The following LINGO2 variants were observed in gnomAD, a reference collection of about 807,000 sequenced individuals.
The protein encoded by LINGO2 is leucine-rich repeat and immunoglobulin-like domain-containing nogo receptor-interacting protein 2.
In LINGO2, 14 loss-of-function variants were observed where a neutral mutation model predicts 30.6. That is an observed-to-expected ratio of 0.46 (90% CI 0.30 to 0.72). The LOEUF is 0.72. LINGO2 is among the 30% of genes least tolerant of loss of function. LINGO2 has a pLI of 0.07. For missense variants in LINGO2, 729 were observed against 751.7 expected, an observed-to-expected ratio of 0.97 and a Z score of 0.35; for synonymous variants, 317 against 288.5, an observed-to-expected ratio of 1.10 and a Z score of -1.00.
chr9:29,080,728 T>C, the LINGO2 span, among the ~76,000 whole-genome samples: 1 of 152,124 alleles, frequency 6.6e-6, no homozygotes, highest in Non-Finnish European at 1.5e-5. Flanking sequence ...GAGCAGGTTG[T>C]TCAGTTTCCA....
the LINGO2 span, among the ~76,000 whole-genome samples, chr9:29,078,791 C>A: frequency 6.6e-6 from 1 of 151,882 alleles, no homozygotes; most frequent in African/African-American, 2.4e-5. Context: ...TGGCAAAGAG[C>A]AATTTGTCCC....
chr9:28,560,219 C>T (rs973243083), intron 1 of LINGO2, among the ~76,000 whole-genome samples: 59 of 152,138 alleles, frequency 3.9e-4, no homozygotes, highest in African/African-American at 1.4e-3. Flanking sequence ...GATAATCTGG[C>T]TAAGCATTAT....
chr9:28,660,149 C>A lies in LINGO2; in HGVS notation c.-365+10051G>T, dbSNP rs150866230. On this transcript the variant is annotated intron_variant, in intron 1 of 5. Coordinates refer to ENST00000379992, the Ensembl canonical transcript of LINGO2. ...ATAATTGTAGTTAAGTTATTTTGAG[C>A]ACCTATATTATTGTGAAAGTGAATA... is the stretch of plus-strand genomic sequence containing the variant. Among the ~76,000 whole-genome samples, 51 of 152,134 alleles carry A rather than the reference C, an allele frequency of 3.4e-4. No homozygotes were observed. The East Asian group carries it at 9.6e-3, about 29-fold the overall frequency.
chr9:28,865,714 G>A, the LINGO2 span, among the ~76,000 whole-genome samples: 3 of 152,160 alleles, frequency 2.0e-5, no homozygotes, highest in African/African-American at 7.2e-5. Context: ...AACCCGGGAG[G>A]CAGAGGTTGC....
chr9:29,127,766 T>G, the LINGO2 span, among the ~76,000 whole-genome samples: 1 of 152,080 alleles, frequency 6.6e-6, no homozygotes, highest in African/African-American at 2.4e-5. Flanking sequence ...GAAGGACTCT[T>G]TTCTGTCTTT....
At chr9:28,698,162 G>A in the LINGO2 span, among the ~76,000 whole-genome samples, 5 of 152,016 alleles carry the variant, frequency 3.3e-5, 1 homozygote, top group African/African-American at 1.2e-4. Context: ...AGGGTGATCT[G>A]AGATGATGGA....
chr9:28,406,875 A>G (rs903357424), intron 2 of LINGO2, among the ~76,000 whole-genome samples: 1 of 152,160 alleles, frequency 6.6e-6, no homozygotes, highest in Non-Finnish European at 1.5e-5. Flanking sequence ...TTCCAACTGC[A>G]TTGTGCTACT....
At chr9:27,983,439 A>G (rs1820976690) in intron 5 of LINGO2, among the ~76,000 whole-genome samples, 1 of 151,846 alleles carries the variant, frequency 6.6e-6, no homozygotes, top group Non-Finnish European at 1.5e-5. Flanking sequence ...GAAAACCCAG[A>G]TACAAGTCAT....
At chr9:28,270,227 C>T (rs557295962) in intron 4 of LINGO2, among the ~76,000 whole-genome samples, 7 of 152,160 alleles carry the variant, frequency 4.6e-5, no homozygotes, top group South Asian at 4.1e-4. Flanking sequence ...CCAAAGAGCC[C>T]TTTCCCCTTC....
the LINGO2 span, among the ~76,000 whole-genome samples, chr9:28,700,923 T>C: frequency 6.6e-6 from 1 of 152,074 alleles, no homozygotes; most frequent in African/African-American, 2.4e-5. Flanking sequence ...CATCTTCTCA[T>C]ATTCTTGTAA....
the LINGO2 span, among the ~76,000 whole-genome samples, chr9:28,772,182 T>C: frequency 6.6e-6 from 1 of 152,194 alleles, no homozygotes; most frequent in Non-Finnish European, 1.5e-5. Flanking sequence ...TGGCAGTTGG[T>C]TTATACATCT....
intron 3 of LINGO2, among the ~76,000 whole-genome samples, 200 bp from the exon 6 acceptor site, chr9:28,295,566 A>C (rs1007512805): frequency 2.0e-5 from 3 of 152,094 alleles, no homozygotes; most frequent in African/African-American, 7.2e-5. Context: ...TTCCAAGTGC[A>C]TGTCCCTCTG....
chr9:28,761,592 T>C, the LINGO2 span, among the ~76,000 whole-genome samples: 1,553 of 152,028 alleles, frequency 0.01, 39 homozygotes, highest in African/African-American at 0.036. Context: ...CTGAAGAAGA[T>C]AATGTCATCA....
At chr9:28,109,820 A>G (rs1336543531) in intron 4 of LINGO2, among the ~76,000 whole-genome samples, 1 of 152,166 alleles carries the variant, frequency 6.6e-6, no homozygotes, top group Non-Finnish European at 1.5e-5. Context: ...ATAATGCCAA[A>G]GTAATTTATA....
intron 4 of LINGO2, among the ~76,000 whole-genome samples, chr9:28,278,964 A>G (rs372849034): frequency 1.7e-4 from 26 of 152,314 alleles, no homozygotes; most frequent in African/African-American, 6.0e-4. Context: ...GGTCAAAATA[A>G]CAACCCTAAC....
chr9:28,604,970 T>C (rs1439538987), intron 1 of LINGO2, among the ~76,000 whole-genome samples: 1 of 151,958 alleles, frequency 6.6e-6, no homozygotes, highest in Non-Finnish European at 1.5e-5. Flanking sequence ...AGAGAATTGA[T>C]ACATGGATAT....
chr9:29,085,113 T>C, the LINGO2 span, among the ~76,000 whole-genome samples: 1 of 151,752 alleles, frequency 6.6e-6, no homozygotes, highest in Non-Finnish European at 1.5e-5. Context: ...TGTGGGAATT[T>C]GTTCCTAAAT....
intron 4 of LINGO2, among the ~76,000 whole-genome samples, chr9:28,279,793 G>A (rs1823255287): frequency 6.6e-6 from 1 of 151,838 alleles, no homozygotes; most frequent in African/African-American, 2.4e-5. Context: ...GTAAACTCTG[G>A]CACCCACCCA....
Position 28,636,393 on chromosome 9 carries a change from C to T in LINGO2, c.-365+33807G>A, listed in dbSNP as rs1046663857. 3.9e-5 allele frequency among the ~76,000 whole-genome samples: 6 copies of T among 152,240 alleles called. 1 individual carries two copies. The highest frequency in any genetic ancestry group is 7.2e-5 in the African/African-American group (3 of 41,546). ...TTCTAGTTCTAGATCCCGGAGGAAT[C>T]GCCACACTGACTTCCACAATGGTTG... is the stretch of plus-strand genomic sequence containing the variant. On this transcript the variant is annotated intron_variant, in intron 1 of 5. Coordinates refer to ENST00000379992, the Ensembl canonical transcript of LINGO2.
Sources: gnomAD v4.1 joint callset for allele counts (sites outside exome capture counted in the v4.1 genomes callset) on GRCh38, gnomAD v4.1.1 for gene constraint, MANE v1.5 for transcripts, NCBI Gene and HGNC (gene_info 2026-07-23, HGNC 2026-07-21) for gene names.